IL5RA: variants seen among roughly 807,000 people sequenced by gnomAD.
IL5RA encodes interleukin 5 receptor subunit alpha, also known as interleukin-5 receptor subunit alpha.
A neutral mutation model predicts 50.0 loss-of-function variants in IL5RA; 49 were observed. That is an observed-to-expected ratio of 0.98 (90% CI 0.78 to 1.24). The LOEUF (loss-of-function observed/expected upper bound fraction) is 1.24, where lower values mean the gene tolerates loss of function less well. Among genes scored for constraint, IL5RA ranks in the 50% most tolerant of loss-of-function variants. The pLI is 0.00. For synonymous variants in IL5RA, 202 were observed against 174.0 expected, an observed-to-expected ratio of 1.16 and a Z score of -1.26; for missense variants, 600 against 500.4, an observed-to-expected ratio of 1.20 and a Z score of -1.90.
chr3:3,102,021 G>A (rs1360709519), intron 4 of IL5RA, among the ~76,000 whole-genome samples, 191 bp from the exon 5 acceptor site: 8 of 152,224 alleles, frequency 5.3e-5, no homozygotes, highest in Non-Finnish European at 8.8e-5. Context: ...ACACATGAAC[G>A]CATTATTCTT....
intron 5 of IL5RA, among the ~76,000 whole-genome samples, chr3:3,101,291 G>A (rs1703643354): frequency 6.6e-6 from 1 of 152,116 alleles, no homozygotes; most frequent in Admixed American, 6.5e-5. Context: ...ATAGTCGTTT[G>A]AAAATTACCC....
At chr3:3,080,455 C>T (rs1023960982) in intron 9 of IL5RA, among the ~76,000 whole-genome samples, 1 of 152,174 alleles carries the variant, frequency 6.6e-6, no homozygotes, top group Admixed American at 6.5e-5. Context: ...ATAGGAGCTT[C>T]GCTTCACTTA....
rs1254149890 is a variant in IL5RA, at chr3:3,068,103, GA to G, written c.*2121del. ...GACTCTCCTGGAGCAGCAGTTCTCC[GA>G]GTGTGTCCTGGAGACCAGCAGCATG... On this transcript the variant is annotated 3_prime_UTR_variant, in exon 12 of 12. Transcript: ENST00000446632. 2.0e-5 allele frequency: 3 copies of G among 152,192 alleles called. No individual in the cohort carries two copies. Among genetic ancestry groups the G allele is most frequent in the African/African-American group, 7.2e-5 (3 of 41,422 alleles). The allele number at this position is 152,192 out of a possible 1,614,324, so 9.4% of individuals were successfully genotyped here. A position where few individuals can be genotyped will look rare whatever the true frequency, so the allele number is the denominator to read the frequency against.
intron 9 of IL5RA, chr3:3,090,083 TA>T: frequency 1.1e-6 from 1 of 934,812 alleles, no homozygotes; most frequent in Non-Finnish European, 1.6e-6. Context: ...GCCAATTACC[TA>T]AACTTTCCAA....
At position 3,101,235 on chromosome 3, in the gene IL5RA, G is replaced by T. The variant is rs6768419; in HGVS notation, c.367+457C>A. ...CTTTATGTTTCTGTTTTAAGTCACT[G>T]ACACAATTCAGGAGGTATGGTCTTT... On this transcript the variant is annotated intron_variant, in intron 5 of 11. Coordinates refer to ENST00000446632, the MANE Select transcript of IL5RA (RefSeq NM_175726.4). Among the ~76,000 whole-genome samples, 506 of 151,570 alleles carry T rather than the reference G, an allele frequency of 3.3e-3. 2 individuals carry two copies. Among genetic ancestry groups the T allele is most frequent in the African/African-American group, 0.012 (481 of 41,330 alleles).
At position 3,074,792 on chromosome 3, in the gene IL5RA, G is replaced by C; in HGVS notation, c.1166C>G (p.Thr389Ser). The change falls in exon 11 of 12, where the codon ACT becomes AGT. Residue 389 changes from threonine (T) to serine (S), a missense_variant. By Grantham distance (58) the Thr-to-Ser change is moderately conservative. Transcript: ENST00000446632. Reference sequence around the variant, plus strand: ...AACTTTCAACATTACCTCATAGTTAGTGGTTACAAAGAGATCTTTGATATT... The same window carrying C: ...AACTTTCAACATTACCTCATAGTTACTGGTTACAAAGAGATCTTTGATATT... ...KSNIKDLFVT[T>S]NYEKAGSSET... is the part of the protein sequence containing the mutation. 6.3e-7 allele frequency: 1 copy of C among 1,595,046 alleles called. No homozygotes were observed. The highest frequency in any genetic ancestry group is 1.7e-5 in the Admixed American group (1 of 59,990).
intron 5 of IL5RA, 87 bp downstream of exon 5, chr3:3,101,605 G>A (rs562268211): frequency 1.4e-6 from 2 of 1,380,190 alleles, no homozygotes; most frequent in Non-Finnish European, 2.0e-6. Flanking sequence ...ACTGACTAAA[G>A]AAAAGTGGGT....
intron 5 of IL5RA, among the ~76,000 whole-genome samples, chr3:3,101,069 C>T (rs1007373434): frequency 1.3e-5 from 2 of 151,350 alleles, no homozygotes; most frequent in Non-Finnish European, 2.9e-5. Flanking sequence ...ATCCCAGCTA[C>T]TCGGGAGGCT....
At chr3:3,102,169 G>C (rs144917697) in intron 4 of IL5RA, among the ~76,000 whole-genome samples, 206 of 152,292 alleles carry the variant, frequency 1.4e-3, no homozygotes, top group Middle Eastern at 6.8e-3. Context: ...TTCTCCCTTT[G>C]TTTGACTTTA....
chr3:3,083,332 C>A (rs955116224), intron 9 of IL5RA, among the ~76,000 whole-genome samples: 8 of 152,132 alleles, frequency 5.3e-5, no homozygotes, highest in Non-Finnish European at 1.0e-4. Flanking sequence ...AGTGAAGGAC[C>A]CGGATCACAC....
At position 3,068,878 on chromosome 3, in the gene IL5RA, T is replaced by G. The variant is rs974501277; in HGVS notation, c.*1347A>C. The G allele has an allele frequency of 2.0e-5, 3 of 152,188 alleles. No homozygotes were observed. The highest frequency in any genetic ancestry group is 7.2e-5 in the African/African-American group (3 of 41,436). The allele number at this position is 152,188 out of a possible 1,614,324, so 9.4% of individuals were successfully genotyped here. The stretch of plus-strand genomic sequence containing the variant: ...AGTAATACAGATTACTATAAGACAG[T>G]GCAGGCTTGTCAAGATTCAAGATGT... On this transcript the variant is annotated 3_prime_UTR_variant, in exon 12 of 12. Coordinates refer to ENST00000446632, the MANE Select transcript of IL5RA (RefSeq NM_175726.4).
intron 9 of IL5RA, chr3:3,090,183 C>A: frequency 6.2e-7 from 1 of 1,606,372 alleles, no homozygotes. Flanking sequence ...AATCTGCTAT[C>A]CCTGCTGTTG....
At chr3:3,100,944 C>T (rs1191755929) in intron 5 of IL5RA, among the ~76,000 whole-genome samples, 3 of 150,772 alleles carry the variant, frequency 2.0e-5, no homozygotes, top group East Asian at 3.9e-4. Context: ...GCCAGGAGAT[C>T]GAGACCAGCC....
Position 3,079,989 on chromosome 3 carries a change from G to A in IL5RA, c.995-3362C>T, listed in dbSNP as rs181792670. 2.4e-4 allele frequency among the ~76,000 whole-genome samples: 36 copies of A among 152,042 alleles called. No individual in the cohort carries two copies. In the East Asian group the frequency reaches 6.2e-3, roughly 26 times the overall value. The stretch of plus-strand genomic sequence containing the variant: ...GCAGAGGCTGCAGTGAGCCCATCAC[G>A]CAACTGCACTCCAGCCTGGGCTACA... On this transcript the variant is annotated intron_variant, in intron 9 of 11. Coordinates refer to ENST00000446632, the MANE Select transcript of IL5RA (RefSeq NM_175726.4).
intron 4 of IL5RA, 28 bp downstream of exon 4, chr3:3,102,647 A>C (rs984459372): frequency 2.7e-6 from 4 of 1,460,084 alleles, no homozygotes. Context: ...TATTCTCAAT[A>C]AGGATATCCA....
chr3:3,082,373 T>C (rs1702697886), intron 9 of IL5RA, among the ~76,000 whole-genome samples: 2 of 152,164 alleles, frequency 1.3e-5, no homozygotes, highest in African/African-American at 4.8e-5. Flanking sequence ...TTTCAAGAAA[T>C]CAATGGGCAC....
At chr3:3,079,274 C>A (rs548376224) in intron 9 of IL5RA, among the ~76,000 whole-genome samples, 12 of 152,282 alleles carry the variant, frequency 7.9e-5, no homozygotes, top group Admixed American at 2.0e-4. Context: ...GTAGGTAAAA[C>A]CTGCTCGGAT....
At chr3:3,082,546 C>T (rs1702704880) in intron 9 of IL5RA, among the ~76,000 whole-genome samples, 1 of 152,202 alleles carries the variant, frequency 6.6e-6, no homozygotes, top group Non-Finnish European at 1.5e-5. Context: ...TGTCTGGGGA[C>T]CTCAGTTTCC....
intron 9 of IL5RA, chr3:3,091,897 T>C: frequency 3.8e-6 from 3 of 784,130 alleles, no homozygotes; most frequent in Non-Finnish European, 4.8e-6. Context: ...TCTCTATTAT[T>C]TCTTCCCACA....
Sources: gnomAD v4.1 joint callset for allele counts (sites outside exome capture counted in the v4.1 genomes callset) on GRCh38, gnomAD v4.1.1 for gene constraint, MANE v1.5 for transcripts, NCBI Gene and HGNC (gene_info 2026-07-23, HGNC 2026-07-21) for gene names.